ART5: variants seen among roughly 807,000 people sequenced by gnomAD.
The protein encoded by ART5 is ecto-ADP-ribosyltransferase 5.
In ART5, 22 loss-of-function variants were observed where a neutral mutation model predicts 25.0. The observed-to-expected ratio is 0.88, with a 90% confidence interval of 0.63 to 1.26. The LOEUF is 1.26. ART5 is among the 50% of genes most tolerant of loss of function. The pLI is 0.00. For synonymous variants in ART5, 161 were observed against 154.8 expected, an observed-to-expected ratio of 1.04 and a Z score of -0.30; for missense variants, 402 against 372.8, an observed-to-expected ratio of 1.08 and a Z score of -0.64.
chr11:3,638,559 C>G lies in ART5; in HGVS notation c.*179G>C. Reference sequence around the variant, plus strand: ...TCACGTAGCTACCTCAATAAAACTCCATGTCTCCACATTGCAACACCGTTC... The same window carrying G: ...TCACGTAGCTACCTCAATAAAACTCGATGTCTCCACATTGCAACACCGTTC... On this transcript the variant is annotated 3_prime_UTR_variant, in exon 4 of 4. Transcript: ENST00000397068. The G allele has an allele frequency of 2.9e-6, 2 of 699,444 alleles. No individual in the cohort carries two copies. Among genetic ancestry groups the G allele is most frequent in the South Asian group, 3.5e-5 (2 of 56,586 alleles). 43.3% of individuals were successfully genotyped at this position (699,444 alleles called of 1,614,324 possible). A position where few individuals can be genotyped will look rare whatever the true frequency, so the allele number is the denominator to read the frequency against.
At chr11:3,642,247 A>AGTCC, upstream of ART5, 6 of 912,696 alleles carry the variant, frequency 6.6e-6, no homozygotes, top group Non-Finnish European at 8.0e-6. Flanking sequence ...CTGTCCCCGG[A>AGTCC]GGAGTCCGGA....
At position 3,638,580 on chromosome 11, in the gene ART5, C is replaced by T. The variant is rs754255509; in HGVS notation, c.*158G>A. 5 of 838,248 alleles carry T rather than the reference C, an allele frequency of 6.0e-6. No homozygotes were observed. The highest frequency in any genetic ancestry group is 3.1e-5 in the South Asian group (2 of 64,722). The allele number at this position is 838,248 out of a possible 1,614,324, so 51.9% of individuals were successfully genotyped here. ...ACTCCATGTCTCCACATTGCAACAC[C>T]GTTCAATCAAGTGGCTGCCTCAGTA... On this transcript the variant is annotated 3_prime_UTR_variant, in exon 4 of 4. Coordinates refer to ENST00000397068, the MANE Select transcript of ART5 (RefSeq NM_053017.5).
At chr11:3,641,541 G>A (rs2077397081) in intron 1 of ART5, among the ~76,000 whole-genome samples, 1 of 152,180 alleles carries the variant, frequency 6.6e-6, no homozygotes, top group Non-Finnish European at 1.5e-5. Context: ...GGCTTTGCCG[G>A]GCTGTGCCTG....
Position 3,641,956 on chromosome 11 carries a change from C to A in ART5, c.-94G>T. 1 of 1,510,798 alleles carries A rather than the reference C, an allele frequency of 6.6e-7. No homozygotes were observed. Among genetic ancestry groups the A allele is most frequent in the South Asian group, 1.2e-5 (1 of 82,810 alleles). 93.6% of individuals were successfully genotyped at this position (1,510,798 alleles called of 1,614,324 possible). ...CGAGGGGCTGGAGGCAGATCTGGAC[C>A]CTGTCTCCAGGCGCACGGGATCCCG... On this transcript the variant is annotated 5_prime_UTR_variant, in exon 1 of 4. Coordinates refer to ENST00000397068, the MANE Select transcript of ART5 (RefSeq NM_053017.5).
At chr11:3,639,587 A>G in intron 2 of ART5, 55 bp downstream of exon 2, 1 of 1,544,248 alleles carries the variant, frequency 6.5e-7, no homozygotes, top group Non-Finnish European at 8.7e-7. Flanking sequence ...GTGTAAGGAC[A>G]TCCTGGCTTA....
In ART5 at chr11:3,640,187, C is replaced by T. The variant is rs751332429; in HGVS notation, c.242G>A (p.Gly81Glu). 7.0e-5 allele frequency: 113 copies of T among 1,614,020 alleles called. No individual in the cohort carries two copies. The Middle Eastern group carries it at 3.3e-3, about 47-fold the overall frequency. The change falls in exon 2 of 4, where the codon GGG becomes GAG. Residue 81 changes from glycine to glutamate, a missense_variant. Transcript: ENST00000397068. ...TTTGAAGCCAGGGGGCAAGGTAAGCCCTCGACGCTTGTCCTCCCAGGTCTC... is the reference window on the plus strand; with the variant it reads ...TTTGAAGCCAGGGGGCAAGGTAAGCTCTCGACGCTTGTCCTCCCAGGTCTC... Reference protein sequence around the residue: ...AQETWEDKRRGLTLPPGFKAQ... With the variant: ...AQETWEDKRRELTLPPGFKAQ...
chr11:3,640,566 T>TC (rs1300142157), intron 1 of ART5, among the ~76,000 whole-genome samples, 195 bp from the exon 2 acceptor site: 6 of 82,520 alleles, frequency 7.3e-5, no homozygotes, highest in African/African-American at 2.7e-4. Flanking sequence ...TGGACTGAAA[T>TC]CTTTTTTTTT....
upstream of ART5, chr11:3,642,265 T>G: frequency 1.9e-6 from 2 of 1,053,464 alleles, no homozygotes; most frequent in Non-Finnish European, 2.3e-6. Flanking sequence ...GGAGTCCGGC[T>G]GAAAGCAAAG....
rs112094575 is a variant in ART5, at chr11:3,639,012, A to T, written c.811T>A (p.Ser271Thr). The change falls in exon 3 of 4, where the codon TCT becomes ACT. Residue 271 changes from serine to threonine, a missense_variant. Ser to Thr is a moderately conservative substitution (Grantham distance 58, BLOSUM62 1). Transcript: ENST00000397068. ...TGGAAGGGCAACTCACCTGGCGCAGACACACAGCCCCGCCTCTTCTCCCCT... is the reference window on the plus strand; with the variant it reads ...TGGAAGGGCAACTCACCTGGCGCAGTCACACAGCCCCGCCTCTTCTCCCCT... Reference protein sequence around the residue: ...LGGEKRRGCVSAPGALGTGDL... With the variant: ...LGGEKRRGCVTAPGALGTGDL... 711 of 1,552,696 alleles carry T rather than the reference A, an allele frequency of 4.6e-4. 7 individuals carry two copies. In the African/African-American group the frequency reaches 7.8e-3, roughly 17 times the overall value.
At chr11:3,641,358 C>G (rs1373597802) in intron 1 of ART5, among the ~76,000 whole-genome samples, 3 of 152,218 alleles carry the variant, frequency 2.0e-5, no homozygotes, top group Non-Finnish European at 4.4e-5. Context: ...TCCCTCTCAT[C>G]CAGCAGGAAG....
intron 1 of ART5, among the ~76,000 whole-genome samples, chr11:3,641,592 T>C (rs1287585289): frequency 6.6e-6 from 1 of 151,986 alleles, no homozygotes; most frequent in Non-Finnish European, 1.5e-5. Context: ...GTTGGAGGCA[T>C]CCAGAGAGGG....
rs1345617643 is a variant in ART5, at chr11:3,641,818, G to C, written c.45C>G (p.Leu15=). ...TTCCTGGAGTTACCTGCCAGGTGTGGAGGCCGAGGCTGCCGAGGGCGATCA... is the reference window on the plus strand; with the variant it reads ...TTCCTGGAGTTACCTGCCAGGTGTGCAGGCCGAGGCTGCCGAGGGCGATCA... ...ALMIALGSLG[L]HTWQAQAVPI... The change falls in exon 1 of 4, where the codon CTC becomes CTG. Residue 15 remains leucine, a synonymous_variant. Coordinates refer to ENST00000397068, the MANE Select transcript of ART5 (RefSeq NM_053017.5). 1 of 1,578,306 alleles carries C rather than the reference G, an allele frequency of 6.3e-7. No homozygotes were observed. The highest frequency in any genetic ancestry group is 1.3e-5 in the African/African-American group (1 of 74,738).
intron 1 of ART5, among the ~76,000 whole-genome samples, chr11:3,640,908 A>AT (rs35327816): frequency 0.06 from 9,081 of 152,040 alleles, 348 homozygotes; most frequent in Middle Eastern, 0.11. Flanking sequence ...CGCCCAGCTA[A>AT]TTTTTTGTAT....
intron 2 of ART5, among the ~76,000 whole-genome samples, chr11:3,639,412 G>T (rs1163486990): frequency 6.6e-6 from 1 of 152,110 alleles, no homozygotes; most frequent in Admixed American, 6.5e-5. Context: ...GTAGCAGATG[G>T]ACCCTTTTGA....
chr11:3,641,698 G>A, intron 1 of ART5, 108 bp downstream of exon 1: 2 of 1,516,032 alleles, frequency 1.3e-6, no homozygotes, highest in East Asian at 2.5e-5. Context: ...TGGAATCCTA[G>A]GGAAGAGTCC....
upstream of ART5, chr11:3,642,003 C>T (rs2077408213): frequency 8.9e-6 from 13 of 1,457,484 alleles, 1 homozygote; most frequent in South Asian, 1.5e-4. Context: ...AGGGCCCCGG[C>T]GGGGCGTGGG....
rs773704731 is a variant in ART5 at position 3,640,125 on chromosome 11, A to T, written c.304T>A (p.Ser102Thr). 1.2e-6 allele frequency: 2 copies of T among 1,614,048 alleles called. No homozygotes were observed. The highest frequency in any genetic ancestry group is 1.7e-6 in the Non-Finnish European group (2 of 1,180,056). Residue 102 changes from serine (S) to threonine (T), a missense_variant, in exon 2 of 4, where the codon TCA becomes ACA. By Grantham distance (58) the Ser-to-Thr change is moderately conservative (BLOSUM62 1). Coordinates refer to ENST00000397068, the MANE Select transcript of ART5 (RefSeq NM_053017.5). ...NGIAIMVYTN[S>T]SNTLYWELNQ... is the part of the protein sequence containing the mutation. ...AACTCCCAGTACAAGGTGTTCGATG[A>T]GTTGGTGTAGACCATAATGGCTATT...
intron 2 of ART5, 142 bp downstream of exon 2, chr11:3,639,500 G>A: frequency 8.0e-7 from 1 of 1,246,076 alleles, no homozygotes; most frequent in Non-Finnish European, 1.1e-6. Flanking sequence ...AGTCACAGAG[G>A]ACAGCAACTC....
chr11:3,641,217 G>A (rs562809432), intron 1 of ART5, among the ~76,000 whole-genome samples: 1 of 152,316 alleles, frequency 6.6e-6, no homozygotes, highest in South Asian at 2.1e-4. Context: ...TGCAGTCGGT[G>A]GGAGGTGGGA....
Sources: gnomAD v4.1 joint callset for allele counts (sites outside exome capture counted in the v4.1 genomes callset) on GRCh38, gnomAD v4.1.1 for gene constraint, MANE v1.5 for transcripts, NCBI Gene and HGNC (gene_info 2026-07-23, HGNC 2026-07-21) for gene names.